Variants in RANBP2 observed in about 807,000 individuals in gnomAD.
RANBP2 encodes E3 SUMO-protein ligase RanBP2.
RANBP2 carries 57 observed loss-of-function variants against 303.6 expected under a neutral mutation model. That is an observed-to-expected ratio of 0.19 (90% CI 0.15 to 0.23). RANBP2 has a LOEUF of 0.23. RANBP2 is among the 10% of genes least tolerant of loss of function. RANBP2 has a pLI of 1.00. For synonymous variants in RANBP2, 1,167 were observed against 1,301.5 expected (o/e 0.90, Z 2.23); for missense variants, 3,138 against 3,780.8 (o/e 0.83, Z 4.46).
At chr2:109,282,152 T>C in the RANBP2 span, among the ~76,000 whole-genome samples, 1 of 152,120 alleles carries the variant, frequency 6.6e-6, no homozygotes, top group Non-Finnish European at 1.5e-5. Flanking sequence ...CAGTTTCTGA[T>C]TGATGATGGA....
chr2:109,780,031 C>CT, the RANBP2 span, among the ~76,000 whole-genome samples: 26 of 57,648 alleles, frequency 4.5e-4, no homozygotes, highest in South Asian at 9.3e-4. Flanking sequence ...GTCAATTTGA[C>CT]TTTTTTTTTT....
At chr2:108,943,616 G>C in the RANBP2 span, among the ~76,000 whole-genome samples, 1 of 152,112 alleles carries the variant, frequency 6.6e-6, no homozygotes, top group Non-Finnish European at 1.5e-5. Flanking sequence ...ACTCACTTCC[G>C]AGCACAACAG....
chr2:108,726,444 T>G (rs540596827), intron 1 of RANBP2, among the ~76,000 whole-genome samples: 5 of 151,380 alleles, frequency 3.3e-5, no homozygotes, highest in African/African-American at 7.3e-5. Context: ...TTTTGTTTTT[T>G]TTTTTTTTTG....
intron 1 of RANBP2, among the ~76,000 whole-genome samples, chr2:108,725,673 G>A (rs974048525): frequency 1.3e-5 from 2 of 152,070 alleles, no homozygotes; most frequent in African/African-American, 2.4e-5. Context: ...AGAGGTTGCA[G>A]TGAGCTGAGA....
the RANBP2 span, among the ~76,000 whole-genome samples, chr2:109,033,572 A>G: frequency 1.3e-5 from 2 of 152,338 alleles, no homozygotes; most frequent in East Asian, 3.9e-4. Flanking sequence ...GTAAGAAAAC[A>G]GGAACTACGG....
At chr2:109,761,962 T>A in the RANBP2 span, among the ~76,000 whole-genome samples, 1 of 150,592 alleles carries the variant, frequency 6.6e-6, no homozygotes, top group Admixed American at 6.7e-5. Flanking sequence ...ATAACTCATA[T>A]AGATGATATG....
the RANBP2 span, among the ~76,000 whole-genome samples, chr2:109,626,431 T>C: frequency 6.6e-6 from 1 of 152,074 alleles, no homozygotes; most frequent in African/African-American, 2.4e-5. Flanking sequence ...ATTCCGCCAC[T>C]GCACTCCAGC....
the RANBP2 span, among the ~76,000 whole-genome samples, chr2:109,326,220 A>G: frequency 3.4e-4 from 52 of 152,288 alleles, no homozygotes; most frequent in Non-Finnish European, 5.9e-4. Context: ...TGCTTCTTCC[A>G]CCCAACAAGG....
At chr2:109,095,735 T>A in the RANBP2 span, among the ~76,000 whole-genome samples, 1 of 152,178 alleles carries the variant, frequency 6.6e-6, no homozygotes, top group African/African-American at 2.4e-5. Context: ...TCTAAAAGGT[T>A]TATGAAAATT....
the RANBP2 span, among the ~76,000 whole-genome samples, chr2:109,231,157 C>T: frequency 3.9e-5 from 6 of 152,218 alleles, no homozygotes; most frequent in East Asian, 5.8e-4. Flanking sequence ...CCTCTCCTCC[C>T]GGAGCCAGGC....
At chr2:109,514,366 G>T in the RANBP2 span, among the ~76,000 whole-genome samples, 1 of 152,298 alleles carries the variant, frequency 6.6e-6, no homozygotes, top group South Asian at 2.1e-4. Context: ...AGCCCCGGGT[G>T]TGCGAGTGCC....
At chr2:108,980,713 A>G in the RANBP2 span, among the ~76,000 whole-genome samples, 3 of 152,130 alleles carry the variant, frequency 2.0e-5, no homozygotes, top group African/African-American at 7.2e-5. Context: ...ACACACAGAC[A>G]TCTTGGGCCA....
the RANBP2 span, among the ~76,000 whole-genome samples, chr2:108,892,027 G>T: frequency 6.6e-6 from 1 of 152,136 alleles, no homozygotes; most frequent in African/African-American, 2.4e-5. Flanking sequence ...TTTGTGCTCA[G>T]GCCCCTTGGT....
the RANBP2 span, among the ~76,000 whole-genome samples, chr2:109,767,145 G>C: frequency 1.6e-4 from 23 of 141,320 alleles, no homozygotes; most frequent in Admixed American, 1.8e-3. Context: ...CAATTGCTCT[G>C]AATGCCAAAT....
chr2:109,653,770 A>G, the RANBP2 span, among the ~76,000 whole-genome samples: 2 of 152,022 alleles, frequency 1.3e-5, no homozygotes, highest in Non-Finnish European at 2.9e-5. Flanking sequence ...TGGCCTCCTT[A>G]TTTTGTTTAA....
At chr2:109,712,141 A>G in the RANBP2 span, among the ~76,000 whole-genome samples, 1 of 152,238 alleles carries the variant, frequency 6.6e-6, no homozygotes, top group African/African-American at 2.4e-5. Context: ...TTTCATGTCC[A>G]GGTAGGCTGT....
Position 108,785,622 on chromosome 2 carries a change from A to G in RANBP2, c.*1721A>G, listed in dbSNP as rs1678568962. 2 of 152,236 alleles carry G rather than the reference A, an allele frequency of 1.3e-5. No individual in the cohort carries two copies. Among genetic ancestry groups the G allele is most frequent in the Admixed American group, 1.3e-4 (2 of 15,288 alleles). The allele number at this position is 152,236 out of a possible 1,614,324, so 9.4% of individuals were successfully genotyped here. ...CCGTATTAGTATTCCAAAGATGCTTAAAAGTGGCTTGTGGCATTTATGAGA... is the reference window on the plus strand; with the variant it reads ...CCGTATTAGTATTCCAAAGATGCTTGAAAGTGGCTTGTGGCATTTATGAGA... On this transcript the variant is annotated 3_prime_UTR_variant, in exon 29 of 29. Coordinates refer to ENST00000283195, the MANE Select transcript of RANBP2 (RefSeq NM_006267.5).
At chr2:109,055,152 T>C in the RANBP2 span, among the ~76,000 whole-genome samples, 3 of 152,196 alleles carry the variant, frequency 2.0e-5, no homozygotes, top group African/African-American at 4.8e-5. Flanking sequence ...TGACTAATGA[T>C]ATTAGCACCT....
chr2:109,010,285 G>A, the RANBP2 span, among the ~76,000 whole-genome samples: 1,101 of 152,074 alleles, frequency 7.2e-3, 13 homozygotes, highest in African/African-American at 0.025. Flanking sequence ...CATCCTCTAC[G>A]GAAGGTAAGC....
Sources: allele counts gnomAD v4.1 joint callset (sites outside exome capture counted in the v4.1 genomes callset), GRCh38; gene constraint gnomAD v4.1.1; transcripts MANE v1.5; gene names NCBI Gene and HGNC (gene_info 2026-07-23, HGNC 2026-07-21).